The following AKR7A3 variants were observed in gnomAD, a reference collection of about 807,000 sequenced individuals.
The protein encoded by AKR7A3 is aldo-keto reductase family 7 member A3, also known as AFB1 aldehyde reductase 2.
Under a neutral mutation model 32.5 loss-of-function variants are expected in AKR7A3, and 37 were observed. That is an observed-to-expected ratio of 1.14 (90% CI 0.88 to 1.50). The LOEUF (loss-of-function observed/expected upper bound fraction) is 1.50, where lower values mean the gene tolerates loss of function less well. AKR7A3 is among the 40% of genes most tolerant of loss of function. AKR7A3 has a pLI of 0.00. For synonymous variants in AKR7A3, 177 were observed against 188.4 expected (o/e 0.94, Z 0.50); for missense variants, 412 against 453.2 (o/e 0.91, Z 0.83).
At chr1:19,288,361 G>A in intron 1 of AKR7A3, 135 bp downstream of exon 1, 1 of 1,126,692 alleles carries the variant, frequency 8.9e-7, no homozygotes, top group Non-Finnish European at 1.2e-6. Context: ...AGGCTGCGAG[G>A]TGAACAGGGG....
At position 19,288,495 on chromosome 1, in the gene AKR7A3, C is replaced by A. The variant is rs774696982; in HGVS notation, c.214+1G>T. ...GGGGGAGGATCAGGGGCCACTGTTA[C>A]CTCTGCAGTCGCTGCCGCCCAGCCG... On this transcript the variant is annotated splice_donor_variant, in intron 1 of 6. Transcript: ENST00000361640. LOFTEE classifies it high-confidence loss of function. 2.5e-6 allele frequency: 4 copies of A among 1,610,564 alleles called. No individual in the cohort carries two copies. In the Admixed American group the frequency reaches 5.0e-5, roughly 20 times the overall value.
chr1:19,274,899 C>CAAAAAA, the AKR7A3 span, among the ~76,000 whole-genome samples: 108 of 44,312 alleles, frequency 2.4e-3, 10 homozygotes, highest in Non-Finnish European at 9.2e-4. Flanking sequence ...TCTCTAAATA[C>CAAAAAA]AAAAAAAAAA....
chr1:19,274,801 A>C, the AKR7A3 span, among the ~76,000 whole-genome samples: 8 of 149,810 alleles, frequency 5.3e-5, no homozygotes, highest in South Asian at 1.5e-3. Flanking sequence ...AAAAAGAAGA[A>C]GAAGATAGAA....
chr1:19,285,327 G>A (rs1433479452), intron 3 of AKR7A3, among the ~76,000 whole-genome samples: 1 of 151,910 alleles, frequency 6.6e-6, no homozygotes, highest in Non-Finnish European at 1.5e-5. Context: ...ACTATGGGCT[G>A]GTTGTCAGAT....
intron 6 of AKR7A3, among the ~76,000 whole-genome samples, chr1:19,283,694 G>A (rs2093722848): frequency 6.6e-6 from 1 of 151,936 alleles, no homozygotes; most frequent in Non-Finnish European, 1.5e-5. Context: ...AGCTGGGCAT[G>A]GTGGCGCACG....
rs1352446488 is a variant in AKR7A3, at chr1:19,288,477, G to C, written c.214+19C>G. 2 of 1,609,098 alleles carry C rather than the reference G, an allele frequency of 1.2e-6. No homozygotes were observed. The highest frequency in any genetic ancestry group is 2.2e-5 in the East Asian group (1 of 44,790). Reference sequence around the variant, plus strand: ...TCAGCTCTGCACCGTGCAGGGGGAGGATCAGGGGCCACTGTTACCTCTGCA... The same window carrying C: ...TCAGCTCTGCACCGTGCAGGGGGAGCATCAGGGGCCACTGTTACCTCTGCA... On this transcript the variant is annotated intron_variant, in intron 1 of 6. Transcript: ENST00000361640.
Position 19,285,179 on chromosome 1 carries a change from C to T in AKR7A3, c.508-65G>A, listed in dbSNP as rs2093727335. The T allele has an allele frequency of 2.7e-6, 4 of 1,461,948 alleles. No homozygotes were observed. In the African/African-American group the frequency reaches 4.2e-5, roughly 16 times the overall value. 90.6% of individuals were successfully genotyped at this position (1,461,948 alleles called of 1,614,324 possible). ...CAAAAGAAGAGACTTCAAAATTACC[C>T]TTCCAGAACCCTTATTTCAGACCTT... On this transcript the variant is annotated intron_variant, in intron 3 of 6. Coordinates refer to ENST00000361640, the MANE Select transcript of AKR7A3 (RefSeq NM_012067.3).
chr1:19,284,673 A>T lies in AKR7A3; in HGVS notation c.704+13T>A. The T allele has an allele frequency of 6.2e-7, 1 of 1,613,374 alleles. No homozygotes were observed. The highest frequency in any genetic ancestry group is 8.5e-7 in the Non-Finnish European group (1 of 1,179,694). On this transcript the variant is annotated intron_variant, in intron 5 of 6. Transcript: ENST00000361640. The stretch of plus-strand genomic sequence containing the variant: ...CCCACCCCAGCCATCCACACCAAGC[A>T]CCCACAGCTTACCGATTCCTGTACA...
intron 2 of AKR7A3, 90 bp downstream of exon 2, chr1:19,286,095 G>A (rs2093729272): frequency 6.3e-7 from 1 of 1,589,982 alleles, no homozygotes; most frequent in Admixed American, 1.8e-5. Flanking sequence ...CTCCACCCTG[G>A]AACAGCCCTG....
At chr1:19,276,810 AT>A in the AKR7A3 span, among the ~76,000 whole-genome samples, 1,111 of 150,928 alleles carry the variant, frequency 7.4e-3, 30 homozygotes, top group African/African-American at 0.025. Context: ...TTAAAAAAAA[AT>A]AACAAAAATA....
chr1:19,274,874 C>T, the AKR7A3 span, among the ~76,000 whole-genome samples: 2 of 94,566 alleles, frequency 2.1e-5, no homozygotes, highest in Non-Finnish European at 3.9e-5. Flanking sequence ...CCCTGGGTGA[C>T]AGAGGGCAAA....
At chr1:19,281,754 G>T (rs553172127), downstream of AKR7A3, among the ~76,000 whole-genome samples, 16 of 152,154 alleles carry the variant, frequency 1.1e-4, no homozygotes, top group South Asian at 3.3e-3. Flanking sequence ...TTTGCCCAAG[G>T]CCCTGGAAGC....
downstream of AKR7A3, among the ~76,000 whole-genome samples, chr1:19,282,087 T>C (rs548991457): frequency 3.2e-4 from 48 of 152,050 alleles, 1 homozygote; most frequent in African/African-American, 9.9e-4. Context: ...AAGGGATGAC[T>C]GTACTTTGCA....
At chr1:19,280,761 G>A (rs191760979), downstream of AKR7A3, among the ~76,000 whole-genome samples, 914 of 151,506 alleles carry the variant, frequency 6.0e-3, 20 homozygotes, top group African/African-American at 0.02. Flanking sequence ...CAGTAGAGAC[G>A]GGGTTTCACT....
chr1:19,280,667 T>TG (rs2093717406), downstream of AKR7A3, among the ~76,000 whole-genome samples: 1 of 151,430 alleles, frequency 6.6e-6, no homozygotes. Context: ...ACCTCCTGGG[T>TG]TCACACCATT....
chr1:19,287,573 A>T (rs2093732986), intron 1 of AKR7A3, among the ~76,000 whole-genome samples: 1 of 151,962 alleles, frequency 6.6e-6, no homozygotes, highest in Non-Finnish European at 1.5e-5. Flanking sequence ...TGCAAATGGC[A>T]TCAGACTGAG....
intron 2 of AKR7A3, 26 bp downstream of exon 2, chr1:19,286,159 C>T: frequency 1.2e-6 from 2 of 1,610,184 alleles, no homozygotes; most frequent in Non-Finnish European, 1.7e-6. Context: ...AGTGGACCAC[C>T]TCCCAGAGCT....
intron 1 of AKR7A3, among the ~76,000 whole-genome samples, chr1:19,287,228 G>T (rs961302305): frequency 1.3e-5 from 2 of 150,532 alleles, no homozygotes; most frequent in African/African-American, 4.9e-5. Context: ...GATGGCTTGA[G>T]CCCTGAGAGG....
At chr1:19,287,552 G>C (rs1328608221) in intron 1 of AKR7A3, among the ~76,000 whole-genome samples, 1 of 151,852 alleles carries the variant, frequency 6.6e-6, no homozygotes, top group South Asian at 2.1e-4. Context: ...GCCAGGCATC[G>C]GCCTAAGCAC....
Sources: allele counts gnomAD v4.1 joint callset (sites outside exome capture counted in the v4.1 genomes callset), GRCh38; gene constraint gnomAD v4.1.1; transcripts MANE v1.5; gene names NCBI Gene and HGNC (gene_info 2026-07-23, HGNC 2026-07-21).